Variants in CORO2B observed in about 807,000 individuals in gnomAD.
CORO2B encodes the protein coronin-2B.
In CORO2B, 26 loss-of-function variants were observed where a neutral mutation model predicts 58.8. That is an observed-to-expected ratio of 0.44 (90% CI 0.32 to 0.61). CORO2B has a LOEUF of 0.61. CORO2B is among the 20% of genes least tolerant of loss of function. The probability of loss-of-function intolerance (pLI) is 0.04; values close to 1 mark genes in which losing one functional copy is unlikely to be tolerated. For synonymous variants in CORO2B, 242 were observed against 253.8 expected, an observed-to-expected ratio of 0.95 and a Z score of 0.44; for missense variants, 460 against 645.1, an observed-to-expected ratio of 0.71 and a Z score of 3.11.
intron 3 of CORO2B, among the ~76,000 whole-genome samples, chr15:68,707,510 A>G (rs1892811254): frequency 1.3e-5 from 2 of 152,254 alleles, no homozygotes; most frequent in African/African-American, 4.8e-5. Flanking sequence ...GGTCGATTAT[A>G]TTCATCATGG....
In CORO2B at chr15:68,645,008, G is replaced by A; in HGVS notation, c.16-152G>A. ...ATGAGTGTGCCCTGAATTCTTGGATGCTTCTTCCTTTCCATCTCTTCCTGA... is the reference window on the plus strand; with the variant it reads ...ATGAGTGTGCCCTGAATTCTTGGATACTTCTTCCTTTCCATCTCTTCCTGA... On this transcript the variant is annotated intron_variant, in intron 1 of 11. Transcript: ENST00000261861. The surrounding 1 kb of genome is among the most constrained non-coding windows in gnomAD (Gnocchi z 4.5). 2 of 707,506 alleles carry A rather than the reference G, an allele frequency of 2.8e-6. No individual in the cohort carries two copies. Among genetic ancestry groups the A allele is most frequent in the Admixed American group, 2.8e-5 (1 of 35,198 alleles). The allele number at this position is 707,506 out of a possible 1,614,324, so 43.8% of individuals were successfully genotyped here. A position where few individuals can be genotyped will look rare whatever the true frequency, so the allele number is the denominator to read the frequency against.
intron 3 of CORO2B, among the ~76,000 whole-genome samples, chr15:68,699,423 A>G (rs1220472199): frequency 6.6e-6 from 1 of 152,122 alleles, no homozygotes; most frequent in African/African-American, 2.4e-5. Context: ...CTAGCTGGAT[A>G]CAGGTAGATC....
Position 68,579,013 on chromosome 15 carries a change from C to G in CORO2B, c.-250C>G. ...CCTTTCTTCCTGCCTCGCCTTCCTGCGGCGAAGGAGGCTCATCTATTATAA... is the reference window on the plus strand; with the variant it reads ...CCTTTCTTCCTGCCTCGCCTTCCTGGGGCGAAGGAGGCTCATCTATTATAA... On this transcript the variant is annotated 5_prime_UTR_variant, in exon 1 of 12. Transcript: ENST00000261861. 2.0e-6 allele frequency: 2 copies of G among 984,672 alleles called. No homozygotes were observed. Among genetic ancestry groups the G allele is most frequent in the Non-Finnish European group, 2.4e-6 (2 of 829,620 alleles). The allele number at this position is 984,672 out of a possible 1,614,324, so 61.0% of individuals were successfully genotyped here. A position where few individuals can be genotyped will look rare whatever the true frequency, so the allele number is the denominator to read the frequency against.
intron 1 of CORO2B, among the ~76,000 whole-genome samples, chr15:68,588,652 T>C (rs891976276): frequency 7.2e-5 from 11 of 152,148 alleles, no homozygotes; most frequent in Non-Finnish European, 1.3e-4. Flanking sequence ...GCTTTTCCTT[T>C]AGGTTTATGG....
Position 68,643,629 on chromosome 15 carries a change from G to A in CORO2B, c.16-1531G>A, listed in dbSNP as rs1465026021. On this transcript the variant is annotated intron_variant, in intron 1 of 11. Coordinates refer to ENST00000261861, the MANE Select transcript of CORO2B (RefSeq NM_006091.5). ...GCAGGGGTTGGGGCCCAGAGAGCTG[G>A]TGGAAGAGAATTTGCTTGAAGGTGA... is the stretch of plus-strand genomic sequence containing the variant. 6.6e-5 allele frequency among the ~76,000 whole-genome samples: 10 copies of A among 152,310 alleles called. No homozygotes were observed. The East Asian group carries it at 1.9e-3, about 29-fold the overall frequency.
chr15:68,581,056 C>T (rs1384533132), intron 1 of CORO2B, among the ~76,000 whole-genome samples: 3 of 152,278 alleles, frequency 2.0e-5, no homozygotes, highest in Non-Finnish European at 1.5e-5. Flanking sequence ...GGCATCCTGG[C>T]TACTGGGGGA....
At chr15:68,537,316 T>C in the CORO2B span, among the ~76,000 whole-genome samples, 3 of 152,062 alleles carry the variant, frequency 2.0e-5, no homozygotes. Flanking sequence ...GACACTCACA[T>C]GAGATCTGGA....
At chr15:68,650,628 G>A (rs561739209) in intron 2 of CORO2B, among the ~76,000 whole-genome samples, 2 of 152,210 alleles carry the variant, frequency 1.3e-5, no homozygotes, top group South Asian at 4.2e-4. Context: ...AAAACTATCT[G>A]TTTACCTATC....
At chr15:68,623,196 A>C (rs1248781795) in intron 1 of CORO2B, among the ~76,000 whole-genome samples, 1 of 152,222 alleles carries the variant, frequency 6.6e-6, no homozygotes, top group Non-Finnish European at 1.5e-5. Context: ...AAATTAAAAA[A>C]AGATGAGGAA....
the CORO2B span, among the ~76,000 whole-genome samples, chr15:68,526,567 A>C: frequency 6.6e-6 from 1 of 151,992 alleles, no homozygotes; most frequent in Non-Finnish European, 1.5e-5. Flanking sequence ...ATCTTTTTTA[A>C]TCTATTGAGC....
the CORO2B span, among the ~76,000 whole-genome samples, chr15:68,563,741 A>C: frequency 6.6e-6 from 1 of 152,114 alleles, no homozygotes; most frequent in Admixed American, 6.5e-5. Context: ...AAAGATTATA[A>C]ATGAATAAGA....
At chr15:68,638,264 A>G (rs1295614099) in intron 1 of CORO2B, among the ~76,000 whole-genome samples, 1 of 151,150 alleles carries the variant, frequency 6.6e-6, no homozygotes, top group African/African-American at 2.4e-5. Flanking sequence ...TCAAGTAAAC[A>G]TTTGATTATT....
At chr15:68,715,522 T>C (rs1893011948) in intron 8 of CORO2B, among the ~76,000 whole-genome samples, 1 of 152,228 alleles carries the variant, frequency 6.6e-6, no homozygotes, top group Non-Finnish European at 1.5e-5. Flanking sequence ...ACATCCACCA[T>C]CAGCGGCAGC....
the CORO2B span, among the ~76,000 whole-genome samples, chr15:68,533,913 A>C: frequency 6.6e-6 from 1 of 152,092 alleles, no homozygotes; most frequent in Admixed American, 6.6e-5. Flanking sequence ...GCCTCCTTAC[A>C]TCCTCATGTT....
chr15:68,622,534 T>C (rs1900556499), intron 1 of CORO2B, among the ~76,000 whole-genome samples: 1 of 152,178 alleles, frequency 6.6e-6, no homozygotes, highest in Non-Finnish European at 1.5e-5. Context: ...GTTTCTTTAA[T>C]TGCCTTCAGC....
the CORO2B span, among the ~76,000 whole-genome samples, chr15:68,523,857 T>C: frequency 6.6e-6 from 1 of 152,216 alleles, no homozygotes; most frequent in Non-Finnish European, 1.5e-5. Flanking sequence ...TTCCTTTTTT[T>C]TCTCCAAAAT....
chr15:68,670,464 G>T (rs929572410), intron 2 of CORO2B, among the ~76,000 whole-genome samples: 1 of 152,174 alleles, frequency 6.6e-6, no homozygotes, highest in African/African-American at 2.4e-5. Flanking sequence ...ACAGGCATGA[G>T]CCATCGCGCC....
intron 1 of CORO2B, among the ~76,000 whole-genome samples, chr15:68,632,584 A>G (rs1218323305): frequency 6.6e-6 from 1 of 152,002 alleles, no homozygotes; most frequent in African/African-American, 2.4e-5. Flanking sequence ...TCATTTGTTT[A>G]TTTTTTAATT....
At chr15:68,590,357 C>A (rs1899671379) in intron 1 of CORO2B, among the ~76,000 whole-genome samples, 1 of 152,054 alleles carries the variant, frequency 6.6e-6, no homozygotes, top group South Asian at 2.1e-4. Flanking sequence ...TCGGAGGCTG[C>A]CCCCCCATGC....
Sources: gnomAD v4.1 joint callset for allele counts (sites outside exome capture counted in the v4.1 genomes callset) on GRCh38, gnomAD v4.1.1 for gene constraint, Gnocchi (gnomAD v3.1) non-coding constraint, MANE v1.5 for transcripts, NCBI Gene and HGNC (gene_info 2026-07-23, HGNC 2026-07-21) for gene names.